Variants in GRM7 observed in about 807,000 individuals in gnomAD.
The protein encoded by GRM7 is metabotropic glutamate receptor 7.
A neutral mutation model predicts 84.5 loss-of-function variants in GRM7; 35 were observed. The observed-to-expected ratio is 0.41, with a 90% CI of 0.32 to 0.55. The LOEUF is 0.55. Among genes scored for constraint, GRM7 ranks in the 20% least tolerant of loss-of-function variants. The pLI is 0.19. For synonymous variants in GRM7, 487 were observed against 455.1 expected, an observed-to-expected ratio of 1.07 and a Z score of -0.89; for missense variants, 1,003 against 1,194.6, an observed-to-expected ratio of 0.84 and a Z score of 2.36.
intron 8 of GRM7, among the ~76,000 whole-genome samples, chr3:7,671,041 A>G (rs556078645): frequency 3.9e-4 from 59 of 152,322 alleles, no homozygotes; most frequent in Non-Finnish European, 6.3e-4. Context: ...AACCTTTTAG[A>G]TAACACAACA....
intron 4 of GRM7, among the ~76,000 whole-genome samples, chr3:7,378,933 CA>C (rs1335981304): frequency 3.3e-5 from 5 of 152,190 alleles, no homozygotes; most frequent in African/African-American, 1.2e-4. Flanking sequence ...TGCATGACTG[CA>C]ATGCCATTAT....
chr3:7,071,234 T>A (rs1697870143), intron 1 of GRM7, among the ~76,000 whole-genome samples: 1 of 152,108 alleles, frequency 6.6e-6, no homozygotes, highest in Non-Finnish European at 1.5e-5. Context: ...TGGAGTAGAC[T>A]ATTTCAGTCT....
intron 1 of GRM7, among the ~76,000 whole-genome samples, chr3:6,880,815 G>A (rs1574962396): frequency 6.6e-6 from 1 of 152,154 alleles, no homozygotes; most frequent in Admixed American, 6.5e-5. Flanking sequence ...TTCTCCAGAA[G>A]CTTGGAGAAC....
intron 8 of GRM7, among the ~76,000 whole-genome samples, chr3:7,582,641 G>A (rs890368114): frequency 1.3e-4 from 20 of 148,788 alleles, no homozygotes; most frequent in African/African-American, 4.8e-4. Flanking sequence ...CCACTTTTCT[G>A]TGCATATTAT....
chr3:7,043,380 C>A (rs554579616), intron 1 of GRM7, among the ~76,000 whole-genome samples: 5 of 152,306 alleles, frequency 3.3e-5, no homozygotes, highest in African/African-American at 4.8e-5. Flanking sequence ...CTTCTGGGCT[C>A]CACCTGCATT....
At chr3:7,705,970 T>C (rs939441032) in intron 9 of GRM7, among the ~76,000 whole-genome samples, 3 of 152,200 alleles carry the variant, frequency 2.0e-5, no homozygotes, top group African/African-American at 7.2e-5. Context: ...AGTTGAGGTA[T>C]CAATGTTGGC....
intron 1 of GRM7, among the ~76,000 whole-genome samples, chr3:6,897,902 G>C (rs78238716): frequency 0.063 from 9,583 of 152,254 alleles, 371 homozygotes; most frequent in African/African-American, 0.1. Context: ...CTGCTGGAGA[G>C]TGGGGGCCTC....
chr3:7,736,484 T>C (rs1702503799), intron 9 of GRM7, among the ~76,000 whole-genome samples: 1 of 152,178 alleles, frequency 6.6e-6, no homozygotes, highest in African/African-American at 2.4e-5. Flanking sequence ...ATTAAATCAA[T>C]GTAAGTAAAT....
chr3:7,395,052 A>G (rs563391620), intron 4 of GRM7, among the ~76,000 whole-genome samples: 1 of 152,020 alleles, frequency 6.6e-6, no homozygotes, highest in South Asian at 2.1e-4. Flanking sequence ...AAAAAAAAAA[A>G]AAAAGTTATA....
intron 1 of GRM7, among the ~76,000 whole-genome samples, chr3:7,030,665 C>G (rs193138522): frequency 7.0e-4 from 106 of 152,132 alleles, no homozygotes; most frequent in Non-Finnish European, 1.1e-3. Flanking sequence ...AAATCACCGG[C>G]TTTAGGAGAT....
intron 3 of GRM7, among the ~76,000 whole-genome samples, chr3:7,301,758 A>T (rs1303855190): frequency 6.7e-6 from 1 of 149,990 alleles, no homozygotes; most frequent in Non-Finnish European, 1.5e-5. Flanking sequence ...AGCCAACAGC[A>T]TATAAAAATT....
At chr3:7,160,835 C>T (rs998348321) in intron 2 of GRM7, among the ~76,000 whole-genome samples, 1 of 152,020 alleles carries the variant, frequency 6.6e-6, no homozygotes. Context: ...AATCATTTCC[C>T]TTGTAATGCT....
At chr3:7,567,199 A>C (rs891368704) in intron 7 of GRM7, among the ~76,000 whole-genome samples, 3 of 152,200 alleles carry the variant, frequency 2.0e-5, no homozygotes, top group African/African-American at 4.8e-5. Context: ...ATGAAACTTA[A>C]GCCTAGAGAC....
chr3:7,523,944 A>C (rs940789907), intron 7 of GRM7, among the ~76,000 whole-genome samples: 1 of 151,998 alleles, frequency 6.6e-6, no homozygotes, highest in African/African-American at 2.4e-5. Flanking sequence ...TTTTGTTGTT[A>C]ATGCTTTTTC....
intron 1 of GRM7, among the ~76,000 whole-genome samples, chr3:7,012,178 A>C (rs1280754006): frequency 6.6e-6 from 1 of 152,124 alleles, no homozygotes; most frequent in Non-Finnish European, 1.5e-5. Context: ...AATCCTGTAC[A>C]TGAGTGACGC....
intron 1 of GRM7, among the ~76,000 whole-genome samples, chr3:7,041,422 C>T (rs1425782610): frequency 1.3e-5 from 2 of 152,140 alleles, no homozygotes; most frequent in African/African-American, 4.8e-5. Context: ...TGGTTCTTTG[C>T]TTTTGAGAGT....
intron 7 of GRM7, among the ~76,000 whole-genome samples, chr3:7,527,845 T>G (rs1181032918): frequency 6.6e-6 from 1 of 152,096 alleles, no homozygotes; most frequent in Non-Finnish European, 1.5e-5. Context: ...TTGTGTATGT[T>G]GAAGTAAACT....
intron 4 of GRM7, among the ~76,000 whole-genome samples, chr3:7,348,856 G>A (rs1031750414): frequency 6.6e-6 from 1 of 152,084 alleles, no homozygotes; most frequent in Admixed American, 6.6e-5. Flanking sequence ...TGGCCTCCTA[G>A]TTCCCTATAT....
rs568800436 is a variant in GRM7 at position 7,601,846 on chromosome 3, C to T, written c.2451+22489C>T. On this transcript the variant is annotated intron_variant, in intron 8 of 9. Transcript: ENST00000357716. ...ATTTATCCTGTCAGTTTCCTTGAGA[C>T]GAATTGGAAGAAGTGTCATTCCTTG... Among the ~76,000 whole-genome samples, 15 of 152,028 alleles carry T rather than the reference C, an allele frequency of 9.9e-5. No individual in the cohort carries two copies. The South Asian group carries it at 2.3e-3, about 23-fold the overall frequency.
Sources: allele counts gnomAD v4.1 joint callset (sites outside exome capture counted in the v4.1 genomes callset), GRCh38; gene constraint gnomAD v4.1.1; transcripts MANE v1.5; gene names NCBI Gene and HGNC (gene_info 2026-07-23, HGNC 2026-07-21).